TTC27: variants seen among roughly 807,000 people sequenced by gnomAD.
TTC27 encodes the protein tetratricopeptide repeat domain 27.
A neutral mutation model predicts 115.9 loss-of-function variants in TTC27; 79 were observed. The observed-to-expected ratio is 0.68, with a 90% CI of 0.57 to 0.82. The LOEUF (loss-of-function observed/expected upper bound fraction) is 0.82, where lower values mean the gene tolerates loss of function less well. TTC27 is among the 40% of genes least tolerant of loss of function. The pLI is 0.00. For missense variants in TTC27, 1,054 were observed against 993.1 expected, an observed-to-expected ratio of 1.06 and a Z score of -0.82; for synonymous variants, 401 against 356.0, an observed-to-expected ratio of 1.13 and a Z score of -1.42.
intron 19 of TTC27, 52 bp downstream of exon 19, chr2:32,817,609 A>G (rs1671549310): frequency 6.8e-7 from 1 of 1,465,704 alleles, no homozygotes; most frequent in Non-Finnish European, 9.6e-7. Context: ...AAAGGTCATT[A>G]GTATCAGCTT....
chr2:32,678,110 C>G (rs565456474), intron 8 of TTC27, among the ~76,000 whole-genome samples: 1 of 152,188 alleles, frequency 6.6e-6, no homozygotes, highest in Non-Finnish European at 1.5e-5. Flanking sequence ...GAAAAATTAG[C>G]TGGGAATGGT....
At chr2:32,752,377 C>T (rs776542567) in intron 12 of TTC27, among the ~76,000 whole-genome samples, 29 of 152,298 alleles carry the variant, frequency 1.9e-4, no homozygotes, top group South Asian at 4.1e-4. Flanking sequence ...CTGTACATTA[C>T]ACAAAGGAAT....
intron 3 of TTC27, among the ~76,000 whole-genome samples, chr2:32,639,792 C>T (rs891863347): frequency 5.9e-5 from 9 of 152,090 alleles, no homozygotes; most frequent in Non-Finnish European, 1.2e-4. Context: ...CACTTAAGGT[C>T]AGGAATTCGA....
At chr2:32,670,124 C>T (rs910454927) in intron 7 of TTC27, among the ~76,000 whole-genome samples, 9 of 151,728 alleles carry the variant, frequency 5.9e-5, no homozygotes, top group South Asian at 4.2e-4. Flanking sequence ...GTGATCCGCC[C>T]GCCTCAGCCT....
chr2:32,718,296 G>T (rs1390930286), intron 10 of TTC27, among the ~76,000 whole-genome samples: 1 of 152,004 alleles, frequency 6.6e-6, no homozygotes, highest in African/African-American at 2.4e-5. Flanking sequence ...TTGTCTTTTT[G>T]ATTGATGTTA....
chr2:32,790,162 T>C (rs1330182477), intron 16 of TTC27, among the ~76,000 whole-genome samples: 1 of 152,058 alleles, frequency 6.6e-6, no homozygotes, highest in East Asian at 1.9e-4. Context: ...ACTCCTGTAA[T>C]CATGGGGAAT....
At chr2:32,682,660 A>ATAGAAG (rs1666470212) in intron 9 of TTC27, among the ~76,000 whole-genome samples, 1 of 143,520 alleles carries the variant, frequency 7.0e-6, no homozygotes, top group Non-Finnish European at 1.5e-5. Context: ...AGCAAATATA[A>ATAGAAG]TAGAAGTCTT....
chr2:32,785,561 G>A (rs1037430300), intron 15 of TTC27, among the ~76,000 whole-genome samples: 2 of 151,912 alleles, frequency 1.3e-5, no homozygotes, highest in South Asian at 2.1e-4. Flanking sequence ...TTGACTATGT[G>A]CATTCTAGTT....
At chr2:32,639,193 A>T (rs1194865325) in intron 3 of TTC27, among the ~76,000 whole-genome samples, 1 of 152,156 alleles carries the variant, frequency 6.6e-6, no homozygotes, top group Non-Finnish European at 1.5e-5. Context: ...TTGTGGGAAA[A>T]ATTTACATGT....
chr2:32,641,437 A>G (rs1304766554), intron 4 of TTC27, among the ~76,000 whole-genome samples: 1 of 152,228 alleles, frequency 6.6e-6, no homozygotes, highest in Non-Finnish European at 1.5e-5. Flanking sequence ...TCTCACATTC[A>G]CAAAATATTA....
At chr2:32,811,369 C>A in intron 17 of TTC27, 148 bp downstream of exon 17, 1 of 746,072 alleles carries the variant, frequency 1.3e-6, no homozygotes, top group Non-Finnish European at 2.1e-6. Flanking sequence ...CTTTAACCTA[C>A]GTACTTTGAA....
chr2:32,698,589 C>T (rs1237953716), intron 9 of TTC27, among the ~76,000 whole-genome samples: 3 of 151,168 alleles, frequency 2.0e-5, no homozygotes, highest in African/African-American at 7.3e-5. Flanking sequence ...ACGCCATTCT[C>T]CTGCCTCAGC....
intron 16 of TTC27, 51 bp downstream of exon 16, chr2:32,787,200 G>A (rs1198962572): frequency 1.3e-6 from 2 of 1,549,036 alleles, no homozygotes; most frequent in African/African-American, 2.8e-5. Flanking sequence ...ACTAATCCTT[G>A]ATCATATGGT....
chr2:32,724,079 A>T (rs756918101), intron 10 of TTC27, among the ~76,000 whole-genome samples: 13 of 149,706 alleles, frequency 8.7e-5, no homozygotes. Flanking sequence ...TAAAATTTGC[A>T]GATTGTAAAC....
At chr2:32,671,051 C>G (rs1665997523) in intron 7 of TTC27, among the ~76,000 whole-genome samples, 1 of 151,926 alleles carries the variant, frequency 6.6e-6, no homozygotes, top group South Asian at 2.1e-4. Context: ...GACTTTTTGT[C>G]TTAACAATGT....
At chr2:32,803,102 T>C (rs1291121787) in intron 16 of TTC27, among the ~76,000 whole-genome samples, 1 of 152,194 alleles carries the variant, frequency 6.6e-6, no homozygotes, top group African/African-American at 2.4e-5. Context: ...AGCTCACCCA[T>C]TGGATACACT....
At chr2:32,648,567 A>G (rs941082384) in intron 4 of TTC27, among the ~76,000 whole-genome samples, 7 of 151,316 alleles carry the variant, frequency 4.6e-5, no homozygotes, top group Non-Finnish European at 5.9e-5. Flanking sequence ...GTGAGGTACC[A>G]TACCTGGCCA....
Position 32,681,794 on chromosome 2 carries a change from A to G in TTC27, c.1119+2872A>G, listed in dbSNP as rs28380477. The stretch of plus-strand genomic sequence containing the variant: ...TGCATTTTGACTTAGGACATTTACA[A>G]CTCATGATGGATTTATCAGGATGTA... On this transcript the variant is annotated intron_variant, in intron 9 of 19. Transcript: ENST00000317907. Among the ~76,000 whole-genome samples, 1,012 of 152,078 alleles carry G rather than the reference A, an allele frequency of 6.7e-3. 10 individuals are homozygous for G. The highest frequency in any genetic ancestry group is 0.023 in the African/African-American group (953 of 41,486).
intron 11 of TTC27, among the ~76,000 whole-genome samples, chr2:32,735,752 A>G (rs1422596310): frequency 6.6e-6 from 1 of 152,204 alleles, no homozygotes; most frequent in Non-Finnish European, 1.5e-5. Flanking sequence ...AAGCACCAAG[A>G]TTTATTCCAG....
Sources: allele counts gnomAD v4.1 joint callset (sites outside exome capture counted in the v4.1 genomes callset), GRCh38; gene constraint gnomAD v4.1.1; transcripts MANE v1.5; gene names NCBI Gene and HGNC (gene_info 2026-07-23, HGNC 2026-07-21).